Variants in VPS36 observed in about 807,000 individuals in gnomAD.
The protein encoded by VPS36 is vacuolar protein-sorting-associated protein 36.
A neutral mutation model predicts 63.5 loss-of-function variants in VPS36; 31 were observed. The observed-to-expected ratio is 0.49, with a 90% CI of 0.37 to 0.66. The LOEUF is 0.66. VPS36 is among the 30% of genes least tolerant of loss of function. The pLI is 0.00. For synonymous variants in VPS36, 138 were observed against 157.2 expected (o/e 0.88, Z 0.91); for missense variants, 338 against 463.7 (o/e 0.73, Z 2.49).
intron 10 of VPS36, among the ~76,000 whole-genome samples, chr13:52,420,530 G>C (rs1030600207): frequency 6.6e-6 from 1 of 151,456 alleles, no homozygotes; most frequent in African/African-American, 2.4e-5. Flanking sequence ...ATGGGGTTTC[G>C]CCATGTTGGC....
Position 52,442,377 on chromosome 13 carries a change from A to G in VPS36, c.165T>C (p.His55=). The G allele has an allele frequency of 6.2e-7, 1 of 1,603,184 alleles. No homozygotes were observed. Among genetic ancestry groups the G allele is most frequent in the Admixed American group, 1.8e-5 (1 of 56,736 alleles). ...ACAGATGCAAAAAACTGTATCTTAC[A>G]TGATTTTTCTGATCTCTCCAAATCA... ...HRLIWRDQKN[H]ECCMAILLSQ... The change falls in exon 2 of 14, where the codon CAT becomes CAC. Residue 55 remains histidine (H), a splice_region_variant and synonymous_variant. Transcript: ENST00000378060.
Position 52,432,509 on chromosome 13 carries a change from AT to A in VPS36, c.528+1152del, listed in dbSNP as rs368154201. On this transcript the variant is annotated intron_variant, in intron 6 of 13. Coordinates refer to ENST00000378060, the MANE Select transcript of VPS36 (RefSeq NM_016075.4). ...CAACCAAATAGTAGATAAGGGAAAC[AT>A]TTCTTTAAAAAGTATTCCAACTAAT... Among the ~76,000 whole-genome samples, 82 of 152,356 alleles carry A rather than the reference AT, an allele frequency of 5.4e-4. No individual in the cohort carries two copies. The East Asian group carries it at 0.015, about 28-fold the overall frequency.
chr13:52,441,466 A>C (rs933933681), intron 2 of VPS36, among the ~76,000 whole-genome samples: 1 of 152,066 alleles, frequency 6.6e-6, no homozygotes, highest in Non-Finnish European at 1.5e-5. Flanking sequence ...AAAAGACAAA[A>C]AACAGGTTGG....
At chr13:52,429,428 G>T in intron 6 of VPS36, 1 of 345,556 alleles carries the variant, frequency 2.9e-6, no homozygotes, top group Non-Finnish European at 4.1e-6. Context: ...CAAGCCCTCC[G>T]TGACCTCAAC....
chr13:52,425,945 T>G lies in VPS36; in HGVS notation c.761A>C (p.Gln254Pro). The change falls in exon 9 of 14, where the codon CAG becomes CCG. Residue 254 changes from glutamine to proline, a missense_variant. Gln to Pro is a moderately conservative substitution (Grantham distance 76). Coordinates refer to ENST00000378060, the MANE Select transcript of VPS36 (RefSeq NM_016075.4). Reference protein sequence around the residue: ...QLAKQLAGILQVPLEERGGIM... With the variant: ...QLAKQLAGILPVPLEERGGIM... The stretch of plus-strand genomic sequence containing the variant: ...TTTAGTTTTTACCTCTAAAGGCACC[T>G]GCAATATTCCAGCCAGTTGTTTGGC... 6.2e-7 allele frequency: 1 copy of G among 1,612,722 alleles called. No homozygotes were observed. The highest frequency in any genetic ancestry group is 8.5e-7 in the Non-Finnish European group (1 of 1,179,538).
chr13:52,432,811 G>A (rs902740725), intron 6 of VPS36, among the ~76,000 whole-genome samples: 23 of 152,142 alleles, frequency 1.5e-4, no homozygotes, highest in African/African-American at 7.2e-5. Flanking sequence ...GCACTTAATA[G>A]GTCAAATGCC....
At chr13:52,431,778 A>AG (rs1484773944) in intron 6 of VPS36, among the ~76,000 whole-genome samples, 1 of 149,542 alleles carries the variant, frequency 6.7e-6, no homozygotes, top group Non-Finnish European at 1.5e-5. Flanking sequence ...AAAAAAAAAA[A>AG]AAAAGAAAGA....
Position 52,436,421 on chromosome 13 carries a change from T to G in VPS36, c.237-17A>C, listed in dbSNP as rs1406593844. On this transcript the variant is annotated splice_polypyrimidine_tract_variant and intron_variant, in intron 3 of 13. Transcript: ENST00000378060. ...ATTTTGGCACTGAAGAAAGAACAAA[T>G]GTAATATATTGAATTGTCTTTCAAA... is the stretch of plus-strand genomic sequence containing the variant. 6.6e-7 allele frequency: 1 copy of G among 1,514,820 alleles called. No homozygotes were observed. The highest frequency in any genetic ancestry group is 9.1e-7 in the Non-Finnish European group (1 of 1,097,856). 93.8% of individuals were successfully genotyped at this position (1,514,820 alleles called of 1,614,324 possible).
intron 10 of VPS36, 22 bp downstream of exon 10, chr13:52,423,552 T>A (rs1958065881): frequency 6.3e-7 from 1 of 1,591,848 alleles, no homozygotes; most frequent in Non-Finnish European, 8.6e-7. Context: ...GTTAAAAGAG[T>A]ATTTAAATTT....
chr13:52,417,983 T>G lies in VPS36; in HGVS notation c.905+9A>C, dbSNP rs751587814. On this transcript the variant is annotated intron_variant, in intron 11 of 13. Coordinates refer to ENST00000378060, the MANE Select transcript of VPS36 (RefSeq NM_016075.4). ...GCAGGTGGCAAACTTCCTGCAGAGG[T>G]TCCTTTACCTGAGAGGTAATTTCAG... 3.3e-5 allele frequency: 53 copies of G among 1,610,326 alleles called. No homozygotes were observed. Among genetic ancestry groups the G allele is most frequent in the African/African-American group, 6.7e-5 (5 of 74,784 alleles).
chr13:52,446,455 T>A (rs2137812836), intron 1 of VPS36, among the ~76,000 whole-genome samples: 1 of 152,286 alleles, frequency 6.6e-6, no homozygotes, highest in East Asian at 1.9e-4. Context: ...GTGAAGAAAT[T>A]GTGTAACAGT....
intron 2 of VPS36, among the ~76,000 whole-genome samples, chr13:52,441,992 A>G (rs981062558): frequency 1.2e-4 from 18 of 152,322 alleles, no homozygotes; most frequent in African/African-American, 3.4e-4. Flanking sequence ...TTTGACTAGT[A>G]TTTAAAAAAC....
Position 52,445,989 on chromosome 13 carries a change from G to A in VPS36, c.97-3544C>T, listed in dbSNP as rs1461158700. Among the ~76,000 whole-genome samples, 49 of 128,210 alleles carry A rather than the reference G, an allele frequency of 3.8e-4. 1 individual carries two copies. The highest frequency in any genetic ancestry group is 9.5e-5 in the Non-Finnish European group (6 of 63,084). 84.1% of individuals were successfully genotyped at this position (128,210 alleles called of 152,430 possible). Reference sequence around the variant, plus strand: ...AAAAAGGCCGGGCACCTTGGCTCACGCCTGTAATCCCAGCACTTTGGGAGG... The same window carrying A: ...AAAAAGGCCGGGCACCTTGGCTCACACCTGTAATCCCAGCACTTTGGGAGG... On this transcript the variant is annotated intron_variant, in intron 1 of 13. Coordinates refer to ENST00000378060, the MANE Select transcript of VPS36 (RefSeq NM_016075.4).
chr13:52,445,840 G>C (rs561319387), intron 1 of VPS36, among the ~76,000 whole-genome samples: 2 of 131,432 alleles, frequency 1.5e-5, no homozygotes, highest in African/African-American at 5.7e-5. Flanking sequence ...CTTGGGAGGC[G>C]GAGGCAGGAG....
Position 52,416,060 on chromosome 13 carries a change from A to G in VPS36, c.1024T>C (p.Phe342Leu). 6.2e-7 allele frequency: 1 copy of G among 1,613,856 alleles called. No individual in the cohort carries two copies. Among genetic ancestry groups the G allele is most frequent in the South Asian group, 1.1e-5 (1 of 90,998 alleles). The change falls in exon 13 of 14, where the codon TTT becomes CTT. Residue 342 changes from phenylalanine to leucine, a missense_variant. Phe to Leu is a conservative substitution (Grantham distance 22, BLOSUM62 0). Transcript: ENST00000378060. The stretch of plus-strand genomic sequence containing the variant: ...ACAGACATTCCCACAAGCTTAGCAA[A>G]CTCTTCTGATGTTAGGGATCCCTTT... ...SEKGSLTSEE[F>L]AKLVGMSVLL...
intron 3 of VPS36, among the ~76,000 whole-genome samples, chr13:52,437,721 G>A (rs1402939393): frequency 1.3e-5 from 2 of 152,124 alleles, no homozygotes; most frequent in African/African-American, 2.4e-5. Flanking sequence ...ATGAGGTCAG[G>A]AGATCAAGAC....
At chr13:52,433,818 C>T in intron 5 of VPS36, 70 bp from the exon 6 acceptor site, 3 of 1,412,600 alleles carry the variant, frequency 2.1e-6, no homozygotes, top group Admixed American at 2.1e-5. Flanking sequence ...TGTAACCAAC[C>T]ACATTGTGTT....
chr13:52,425,786 CTTAT>C (rs1958095731), intron 9 of VPS36, 142 bp downstream of exon 9: 1 of 783,664 alleles, frequency 1.3e-6, no homozygotes, highest in Admixed American at 3.9e-5. Flanking sequence ...GCACAATGAA[CTTAT>C]TTAATATACC....
In VPS36 at chr13:52,450,556, G is replaced by A. The variant is rs1046267867; in HGVS notation, c.39C>T (p.Ile13=). 1 of 1,594,682 alleles carries A rather than the reference G, an allele frequency of 6.3e-7. No homozygotes were observed. ...GCTGCTGGATCACCAGGGTCTCGTT[G>A]ATCTCCAGGAGGCCGCTGGTCCAAA... The part of the protein sequence containing the change: ...RFVWTSGLLE[I]NETLVIQQRG... Residue 13 remains isoleucine, a synonymous_variant, in exon 1 of 14, where the codon ATC becomes ATT. Coordinates refer to ENST00000378060, the MANE Select transcript of VPS36 (RefSeq NM_016075.4).
Sources: gnomAD v4.1 joint callset for allele counts (sites outside exome capture counted in the v4.1 genomes callset) on GRCh38, gnomAD v4.1.1 for gene constraint, MANE v1.5 for transcripts, NCBI Gene and HGNC (gene_info 2026-07-23, HGNC 2026-07-21) for gene names.